ABCA3: variants seen among roughly 807,000 people sequenced by gnomAD.
ABCA3 encodes ATP binding cassette subfamily A member 3.
In ABCA3, 88 loss-of-function variants were observed where a neutral mutation model predicts 172.8. The observed-to-expected ratio is 0.51, with a 90% CI of 0.43 to 0.61. ABCA3 has a LOEUF of 0.61. Ranked by LOEUF, ABCA3 falls within the 20% of genes least tolerant of loss-of-function variation. The pLI, the probability that ABCA3 is intolerant of heterozygous loss-of-function variation, is 0.00. For synonymous variants in ABCA3, 1,066 were observed against 983.8 expected (o/e 1.08, Z -1.56); for missense variants, 2,164 against 2,301.0 (o/e 0.94, Z 1.22).
Position 2,277,892 on chromosome 16 carries a change from G to T in ABCA3, c.4896C>A (p.Asp1632Glu), listed in dbSNP as rs886051809. The change falls in exon 31 of 33, where the codon GAC becomes GAA. Residue 1632 changes from aspartate to glutamate, a missense_variant. Coordinates refer to ENST00000301732, the MANE Select transcript of ABCA3 (RefSeq NM_001089.3). The surrounding 1 kb of genome is among the most constrained non-coding windows in gnomAD (Gnocchi z 5.3). ...EALEEFKAFV[D>E]LTFPGSVLED... is the part of the protein sequence containing the mutation. The stretch of plus-strand genomic sequence containing the variant: ...GCCGGCACACACCTGGAAAGGTCAG[G>T]TCCACGAAGGCCTTGAACTCCTCCA... 1 of 1,609,408 alleles carries T rather than the reference G, an allele frequency of 6.2e-7. No homozygotes were observed. The highest frequency in any genetic ancestry group is 8.5e-7 in the Non-Finnish European group (1 of 1,179,976).
intron 11 of ABCA3, 100 bp from the exon 12 acceptor site, chr16:2,304,250 T>C (rs776323957): frequency 4.7e-5 from 60 of 1,265,700 alleles, no homozygotes; most frequent in Non-Finnish European, 6.8e-5. Flanking sequence ...TGACCTTGCA[T>C]GGCCACTGCT....
intron 1 of ABCA3, among the ~76,000 whole-genome samples, chr16:2,334,331 T>A (rs1051732245): frequency 3.9e-5 from 6 of 152,072 alleles, no homozygotes; most frequent in African/African-American, 1.4e-4. Flanking sequence ...ATCAAGGCGC[T>A]GGATGTTGCA....
intron 10 of ABCA3, among the ~76,000 whole-genome samples, chr16:2,310,650 C>T (rs1288334416): frequency 2.7e-5 from 4 of 150,914 alleles, no homozygotes; most frequent in Non-Finnish European, 4.4e-5. Context: ...CTGAGTAGCT[C>T]GGACTACAGG....
intron 12 of ABCA3, among the ~76,000 whole-genome samples, chr16:2,302,392 A>G (rs1323574326): frequency 1.3e-5 from 2 of 152,176 alleles, no homozygotes; most frequent in Admixed American, 1.3e-4. Flanking sequence ...TTAAAACTAT[A>G]TTTATAAATA....
chr16:2,301,215 A>G (rs1448541393), intron 12 of ABCA3, among the ~76,000 whole-genome samples: 1 of 150,998 alleles, frequency 6.6e-6, no homozygotes, highest in Admixed American at 6.6e-5. Context: ...TGGGCGACAG[A>G]GCGAGACTCC....
chr16:2,299,335 G>T, intron 14 of ABCA3, 68 bp downstream of exon 14: 1 of 1,601,406 alleles, frequency 6.2e-7, no homozygotes, highest in South Asian at 1.1e-5. Flanking sequence ...AGTGAGGCGG[G>T]GCTGGCGCTG....
At chr16:2,318,658 G>C (rs984596261) in intron 8 of ABCA3, among the ~76,000 whole-genome samples, 34 of 151,944 alleles carry the variant, frequency 2.2e-4, no homozygotes, top group African/African-American at 8.0e-4. Context: ...GATTACAGGT[G>C]CATGCTACCA....
chr16:2,289,394 G>A lies in ABCA3; in HGVS notation c.2700+40C>T, dbSNP rs45488592. 4.4e-4 allele frequency: 681 copies of A among 1,548,048 alleles called. 1 individual carries two copies. The highest frequency in any genetic ancestry group is 1.1e-3 in the Middle Eastern group (5 of 4,696). On this transcript the variant is annotated intron_variant, in intron 20 of 32. Transcript: ENST00000301732. ...TACATGAGGCGTTTGGGGGCTGCTC[G>A]CCCTTCCCCCGCCACCCGCCCACCC... is the stretch of plus-strand genomic sequence containing the variant.
At position 2,326,169 on chromosome 16, in the gene ABCA3, C is replaced by T. The variant is rs147278907; in HGVS notation, c.160G>A (p.Ala54Thr). The T allele has an allele frequency of 4.9e-4, 792 of 1,614,126 alleles. 6 individuals carry two copies. The highest frequency in any genetic ancestry group is 3.5e-3 in the Middle Eastern group (21 of 6,062). Residue 54 changes from alanine to threonine, a missense_variant, in exon 5 of 33, where the codon GCC becomes ACC. Around this residue, in one of 3 missense-constraint regions of ABCA3, gnomAD observed 1,343 missense variants for 1,369.6 expected, o/e 0.98. Coordinates refer to ENST00000301732, the MANE Select transcript of ABCA3 (RefSeq NM_001089.3). The part of the protein sequence containing the change: ...LKIQSENVPN[A>T]TIYPGQSIQE... ...ATGGACTGGCCCGGGTAGATGGTGG[C>T]GTTGGGCACATTTTCCGACTGAATC...
intron 10 of ABCA3, among the ~76,000 whole-genome samples, chr16:2,309,578 T>C (rs2032241719): frequency 6.6e-6 from 1 of 152,122 alleles, no homozygotes; most frequent in Admixed American, 6.6e-5. Context: ...ATGGGCATGT[T>C]TTCTGTCCAT....
chr16:2,306,780 C>G (rs2093698272), intron 11 of ABCA3, among the ~76,000 whole-genome samples: 1 of 152,128 alleles, frequency 6.6e-6, no homozygotes. Flanking sequence ...CTTTGGGAGG[C>G]CGAGGCGGGC....
At position 2,283,940 on chromosome 16, in the gene ABCA3, G is replaced by C. The variant is rs2093658876; in HGVS notation, c.3862+339C>G. 6.9e-6 allele frequency: 2 copies of C among 289,262 alleles called. No individual in the cohort carries two copies. Among genetic ancestry groups the C allele is most frequent in the Non-Finnish European group, 1.3e-5 (2 of 151,204 alleles). The allele number at this position is 289,262 out of a possible 1,614,324, so 17.9% of individuals were successfully genotyped here. On this transcript the variant is annotated intron_variant, in intron 25 of 32. Coordinates refer to ENST00000301732, the MANE Select transcript of ABCA3 (RefSeq NM_001089.3). The surrounding 1 kb of genome is among the most constrained non-coding windows in gnomAD (Gnocchi z 5.4). ...TGGTGGGGAGTAGGTGCAGCCAGGAGCTCAGGATGCCTGGAGCCTCCAGGA... is the reference window on the plus strand; with the variant it reads ...TGGTGGGGAGTAGGTGCAGCCAGGACCTCAGGATGCCTGGAGCCTCCAGGA...
chr16:2,278,331 G>A lies in ABCA3; in HGVS notation c.4675C>T (p.Arg1559Ter), dbSNP rs769566536. The A allele has an allele frequency of 7.4e-6, 12 of 1,610,838 alleles. No individual in the cohort carries two copies. The highest frequency in any genetic ancestry group is 9.3e-6 in the Non-Finnish European group (11 of 1,179,988). The part of the protein sequence containing the change: ...ARRLLWDTVA[R>*]ARESGKAIII... ...ATGGCCTTGCCAGACTCTCGGGCTC[G>A]TGCCACGGTGTCCCAAAGCAGGCGC... Residue 1559 changes from arginine (R) to a stop codon, truncating the protein, a stop_gained, in exon 30 of 33, where the codon CGA becomes TGA. Transcript: ENST00000301732. LOFTEE classifies it high-confidence loss of function. This position sits in a 1 kb window ranked among gnomAD's most constrained non-coding sequence, Gnocchi z 4.4.
Position 2,319,410 on chromosome 16 carries a change from G to A in ABCA3, c.873+171C>T, listed in dbSNP as rs553383831. ...TGAGGCAGGAGAATGGCGTGAACCC[G>A]GGAGGCAGAGCTTGCAGTGAGCCGA... On this transcript the variant is annotated intron_variant, in intron 8 of 32. Transcript: ENST00000301732. Among the ~76,000 whole-genome samples the A allele has an allele frequency of 4.6e-5, 7 of 151,922 alleles. No individual in the cohort carries two copies. The South Asian group carries it at 1.3e-3, about 27-fold the overall frequency.
chr16:2,298,300 C>T, intron 15 of ABCA3, 86 bp downstream of exon 15: 5 of 1,587,402 alleles, frequency 3.1e-6, no homozygotes, highest in Non-Finnish European at 4.3e-6. Context: ...GGCTCCCTTC[C>T]TCCAGTTTAG....
chr16:2,327,464 C>T (rs1360394874), intron 3 of ABCA3, among the ~76,000 whole-genome samples: 2 of 152,186 alleles, frequency 1.3e-5, no homozygotes, highest in African/African-American at 4.8e-5. Flanking sequence ...ACACTGAACC[C>T]ATAAAAGAAA....
chr16:2,338,245 A>G (rs2093754930), intron 1 of ABCA3, among the ~76,000 whole-genome samples: 1 of 152,204 alleles, frequency 6.6e-6, no homozygotes, highest in Admixed American at 6.5e-5. Context: ...TGAGCCATTC[A>G]GGGGAATGGG....
In ABCA3 at chr16:2,316,490, C is replaced by CAAAAAAAAAAAAAAAAAAAAAAAA. The variant is rs71148128; in HGVS notation, c.1111+769_1111+792dup. Among the ~76,000 whole-genome samples the CAAAAAAAAAAAAAAAAAAAAAAAA allele has an allele frequency of 3.5e-4, 10 of 28,874 alleles. 3 individuals are homozygous for CAAAAAAAAAAAAAAAAAAAAAAAA. Among genetic ancestry groups the CAAAAAAAAAAAAAAAAAAAAAAAA allele is most frequent in the East Asian group, 4.4e-4 (1 of 2,278 alleles). The allele number at this position is 28,874 out of a possible 152,430, so 18.9% of individuals were successfully genotyped here. Reference sequence around the variant, plus strand: ...CAAAACCCCGTCTCTACTAAAAATGCAAAAAAAAAAAAAAAAAAAAAAAAA... The same window carrying CAAAAAAAAAAAAAAAAAAAAAAAA: ...CAAAACCCCGTCTCTACTAAAAATGCAAAAAAAAAAAAAAAAAAAAAAAAAAAAAAAAAAAAAAAAAAAAAAAAA... On this transcript the variant is annotated intron_variant, in intron 10 of 32. Transcript: ENST00000301732.
Position 2,303,987 on chromosome 16 carries a change from G to A in ABCA3, c.1449C>T (p.Pro483=). 1.9e-6 allele frequency: 3 copies of A among 1,614,138 alleles called. No individual in the cohort carries two copies. The highest frequency in any genetic ancestry group is 1.7e-6 in the Non-Finnish European group (2 of 1,180,020). Residue 483 remains proline (P), a synonymous_variant, in exon 12 of 33, where the codon CCC becomes CCT. Transcript: ENST00000301732. ...VFPGQFGVPQ[P]WYFFIMPSYW... is the part of the protein sequence containing the mutation. The stretch of plus-strand genomic sequence containing the variant: ...AACTCACCATGATGAAGAAGTACCA[G>A]GGCTGAGGCACGCCGAACTGCCCTG...
Sources: gnomAD v4.1 joint callset for allele counts (sites outside exome capture counted in the v4.1 genomes callset) on GRCh38, gnomAD v4.1.1 for gene constraint, gnomAD v4.1.1 regional missense constraint, Gnocchi (gnomAD v3.1) non-coding constraint, MANE v1.5 for transcripts, NCBI Gene and HGNC (gene_info 2026-07-23, HGNC 2026-07-21) for gene names.